SETD2: variants seen among roughly 807,000 people sequenced by gnomAD.
SETD2 encodes histone-lysine N-methyltransferase SETD2.
A neutral mutation model predicts 242.1 loss-of-function variants in SETD2; 31 were observed. The ratio of observed to expected loss-of-function variants is 0.13; its 90% CI spans 0.10 to 0.17. The LOEUF is 0.17. SETD2 is among the 10% of genes least tolerant of loss of function. The pLI is 1.00. For missense variants in SETD2, 2,481 were observed against 3,046.3 expected, an observed-to-expected ratio of 0.81 and a Z score of 4.37; for synonymous variants, 1,006 against 1,066.5, an observed-to-expected ratio of 0.94 and a Z score of 1.11.
chr3:47,043,749 AC>A (rs1399760883), intron 16 of SETD2, among the ~76,000 whole-genome samples: 5 of 151,820 alleles, frequency 3.3e-5, no homozygotes, highest in African/African-American at 1.2e-4. Context: ...CTCTTATTTC[AC>A]CCAGCTGGGG....
intron 1 of SETD2, chr3:47,163,579 A>T (rs1697570183): frequency 5.7e-6 from 1 of 176,102 alleles, no homozygotes; most frequent in South Asian, 2.0e-4. Context: ...CGGTAACCGT[A>T]GGGACCGTGG....
intron 1 of SETD2, among the ~76,000 whole-genome samples, chr3:47,144,261 A>T (rs549164308): frequency 1.1e-4 from 17 of 152,286 alleles, no homozygotes; most frequent in African/African-American, 4.1e-4. Flanking sequence ...TGGGAGGCCA[A>T]GGCAGGAGGA....
chr3:47,117,000 G>T (rs1351527927), intron 3 of SETD2, among the ~76,000 whole-genome samples: 3 of 151,676 alleles, frequency 2.0e-5, no homozygotes, highest in East Asian at 1.9e-4. Context: ...ATGCCACCAC[G>T]CTTGGTTTTT....
chr3:47,164,281 G>A (rs1697606849), upstream of SETD2, among the ~76,000 whole-genome samples: 1 of 152,168 alleles, frequency 6.6e-6, no homozygotes, highest in Non-Finnish European at 1.5e-5. This position sits in a 1 kb window ranked among gnomAD's most constrained non-coding sequence, Gnocchi z 5.4. Context: ...AACACTGCCC[G>A]GCGGGTCCAG....
intron 6 of SETD2, among the ~76,000 whole-genome samples, chr3:47,105,410 T>TTA (rs36122505): frequency 3.3e-5 from 4 of 122,656 alleles, no homozygotes; most frequent in Admixed American, 8.5e-5. Context: ...ACACTATCTC[T>TTA]AAAAAAAAAA....
At chr3:47,145,440 G>T in intron 1 of SETD2, 3 of 355,690 alleles carry the variant, frequency 8.4e-6, no homozygotes, top group Non-Finnish European at 1.8e-5. Flanking sequence ...GCCCAGGCTG[G>T]AGCAAGTACA....
At chr3:47,066,140 C>A (rs2040547302) in intron 13 of SETD2, among the ~76,000 whole-genome samples, 1 of 152,160 alleles carries the variant, frequency 6.6e-6, no homozygotes, top group Admixed American at 6.5e-5. Flanking sequence ...TCTATTTCCA[C>A]TTAATGAAGA....
chr3:47,048,143 A>G (rs2039614900), intron 15 of SETD2, among the ~76,000 whole-genome samples: 1 of 152,226 alleles, frequency 6.6e-6, no homozygotes. Flanking sequence ...CAACCCGAGC[A>G]CTTTGGGAGG....
intron 13 of SETD2, 21 bp from the exon 14 acceptor site, chr3:47,062,367 G>A (rs1553685177): frequency 7.1e-7 from 1 of 1,413,436 alleles, no homozygotes; most frequent in Non-Finnish European, 9.2e-7. Flanking sequence ...AGGGTGGTTT[G>A]TTTGTTTTTT....
rs1474818213 is a variant in SETD2 at position 47,121,315 on chromosome 3, C to A, written c.3321G>T (p.Glu1107Asp). 4.3e-6 allele frequency: 7 copies of A among 1,611,864 alleles called. No homozygotes were observed. The highest frequency in any genetic ancestry group is 5.9e-6 in the Non-Finnish European group (7 of 1,179,990). The change falls in exon 3 of 21, where the codon GAG becomes GAT. Residue 1107 changes from glutamate (E) to aspartate (D), a missense_variant. Transcript: ENST00000409792. ...TTTCCTCATACAAATGTCTCCTTGA[C>A]TCCAATCTCTCATCTTCCCAATGGT... is the stretch of plus-strand genomic sequence containing the variant. ...YSDHWEDERLESRRHLYEEKF... is the reference protein window; with the variant it reads ...YSDHWEDERLDSRRHLYEEKF...
At chr3:47,128,069 G>C (rs1345190719) in intron 1 of SETD2, among the ~76,000 whole-genome samples, 1 of 152,100 alleles carries the variant, frequency 6.6e-6, no homozygotes, top group African/African-American at 2.4e-5. Flanking sequence ...AATATTACCT[G>C]AATATAAGGT....
chr3:47,051,301 C>T (rs1323364811), intron 15 of SETD2, among the ~76,000 whole-genome samples: 4 of 152,072 alleles, frequency 2.6e-5, no homozygotes, highest in African/African-American at 7.2e-5. Flanking sequence ...GATGAGGTTT[C>T]GCCATGTTAA....
intron 18 of SETD2, among the ~76,000 whole-genome samples, chr3:47,026,167 A>C (rs772945177): frequency 1.6e-4 from 24 of 152,270 alleles, no homozygotes; most frequent in Non-Finnish European, 2.8e-4. Flanking sequence ...CACTTCTCAA[A>C]AAAAGATATT....
chr3:47,121,181 T>G lies in SETD2; in HGVS notation c.3455A>C (p.Gln1152Pro). The stretch of plus-strand genomic sequence containing the variant: ...AAGTTCAGGCAGGCGATTATCTATT[T>G]GTTTTCTACTGGACTGTGTAAAAGA... ...EISFTQSSRK[Q>P]IDNRLPELSH... The change falls in exon 3 of 21, where the codon CAA (glutamine) becomes CCA (proline). Residue 1152 changes from glutamine (Q) to proline (P), a missense_variant. Physicochemically the swap from Gln to Pro is moderately conservative, Grantham distance 76 (BLOSUM62 -1). This residue lies in a region of SETD2 where 1,300 missense variants were observed against 1,259.2 expected (regional missense o/e 1.03). Transcript: ENST00000409792. The G allele has an allele frequency of 6.2e-7, 1 of 1,614,156 alleles. No homozygotes were observed. Among genetic ancestry groups the G allele is most frequent in the Non-Finnish European group, 8.5e-7 (1 of 1,179,986 alleles).
chr3:47,120,437 T>G lies in SETD2; in HGVS notation c.4199A>C (p.Asp1400Ala). Reference protein sequence around the residue: ...SKNLEKNDIKDRGPLKKRRQE... With the variant: ...SKNLEKNDIKARGPLKKRRQE... The stretch of plus-strand genomic sequence containing the variant: ...CCTCCTTTTTTTAAGAGGCCCTCTA[T>G]CTTTGATATCATTTTTTTCTAAGTT... The change falls in exon 3 of 21, where the codon GAT (aspartate) becomes GCT (alanine). Residue 1400 changes from aspartate to alanine, a missense_variant. This residue lies in a region of SETD2 where 1,300 missense variants were observed against 1,259.2 expected (regional missense o/e 1.03). Transcript: ENST00000409792. The G allele has an allele frequency of 6.2e-7, 1 of 1,613,236 alleles. No homozygotes were observed. Among genetic ancestry groups the G allele is most frequent in the Non-Finnish European group, 8.5e-7 (1 of 1,179,782 alleles).
chr3:47,067,429 T>G (rs1001537609), intron 12 of SETD2, among the ~76,000 whole-genome samples: 5 of 146,748 alleles, frequency 3.4e-5, no homozygotes, highest in Non-Finnish European at 7.5e-5. Flanking sequence ...TTTTTTTTTT[T>G]TTTGAGACAA....
chr3:47,128,570 C>G (rs1235360442), intron 1 of SETD2, among the ~76,000 whole-genome samples: 1 of 152,158 alleles, frequency 6.6e-6, no homozygotes, highest in African/African-American at 2.4e-5. Flanking sequence ...GGTAGCCATA[C>G]AAAACCAAGT....
At chr3:47,058,625 G>C (rs1286557746) in intron 14 of SETD2, among the ~76,000 whole-genome samples, 4 of 150,952 alleles carry the variant, frequency 2.6e-5, no homozygotes, top group African/African-American at 7.3e-5. Context: ...TAACATAGAT[G>C]AATGAATCTA....
At chr3:47,126,707 A>T (rs1338102495) in intron 1 of SETD2, 44 bp from the exon 2 acceptor site, 4 of 1,121,930 alleles carry the variant, frequency 3.6e-6, no homozygotes, top group Admixed American at 2.2e-5. Context: ...AATAAAAAGA[A>T]ATCATAAATA....
Sources: allele counts gnomAD v4.1 joint callset (sites outside exome capture counted in the v4.1 genomes callset), GRCh38; gene constraint gnomAD v4.1.1; regional missense constraint gnomAD v4.1.1; non-coding constraint Gnocchi (gnomAD v3.1); transcripts MANE v1.5; gene names NCBI Gene and HGNC (gene_info 2026-07-23, HGNC 2026-07-21).